The following DNAH6 variants were observed in gnomAD, a reference collection of about 807,000 sequenced individuals.
DNAH6 encodes axonemal beta dynein heavy chain 6.
DNAH6 carries 340 observed loss-of-function variants against 491.4 expected under a neutral mutation model. The ratio of observed to expected loss-of-function variants is 0.69; its 90% CI spans 0.63 to 0.76. The LOEUF is 0.76. Ranked by LOEUF, DNAH6 falls within the 30% of genes least tolerant of loss-of-function variation. The pLI is 0.00. For synonymous variants in DNAH6, 1,603 were observed against 1,686.1 expected, an observed-to-expected ratio of 0.95 and a Z score of 1.21; for missense variants, 4,443 against 4,972.2, an observed-to-expected ratio of 0.89 and a Z score of 3.20.
chr2:84,780,313 C>T (rs1676557369), intron 64 of DNAH6, among the ~76,000 whole-genome samples: 1 of 152,186 alleles, frequency 6.6e-6, no homozygotes, highest in Non-Finnish European at 1.5e-5. Context: ...TCATATTTCT[C>T]ATAGCCTTTG....
chr2:84,682,069 A>G (rs1693834506), intron 42 of DNAH6, among the ~76,000 whole-genome samples: 1 of 152,138 alleles, frequency 6.6e-6, no homozygotes, highest in African/African-American at 2.4e-5. Flanking sequence ...TGCTCTTTCT[A>G]GAAAGACCTC....
chr2:84,574,578 A>C (rs1261503301), intron 12 of DNAH6, among the ~76,000 whole-genome samples: 1 of 152,200 alleles, frequency 6.6e-6, no homozygotes, highest in Non-Finnish European at 1.5e-5. Flanking sequence ...CAAGATACTA[A>C]GTCGTTAGAC....
chr2:84,467,785 A>G, the DNAH6 span, among the ~76,000 whole-genome samples: 20 of 152,238 alleles, frequency 1.3e-4, no homozygotes, highest in Admixed American at 1.3e-3. Flanking sequence ...CTCTCTATTT[A>G]TAATCTTTGT....
chr2:84,595,809 T>C lies in DNAH6; in HGVS notation c.2868+20T>C, dbSNP rs200264977. The C allele has an allele frequency of 6.5e-7, 1 of 1,531,734 alleles. No homozygotes were observed. Among genetic ancestry groups the C allele is most frequent in the Admixed American group, 2.2e-5 (1 of 46,280 alleles). 94.9% of individuals were successfully genotyped at this position (1,531,734 alleles called of 1,614,324 possible). ...GAAAAGGTAAGGTTGGTAGAAGTTA[T>C]TTCAAAAACTGTAGGCCAGTTGGTT... On this transcript the variant is annotated intron_variant, in intron 18 of 76. Coordinates refer to ENST00000389394, the MANE Select transcript of DNAH6 (RefSeq NM_001370.2).
At chr2:84,511,440 G>A in the DNAH6 span, among the ~76,000 whole-genome samples, 2 of 152,192 alleles carry the variant, frequency 1.3e-5, no homozygotes, top group African/African-American at 4.8e-5. Flanking sequence ...TATTAGGGTG[G>A]GAGTGACCCA....
chr2:84,481,095 G>C, the DNAH6 span, among the ~76,000 whole-genome samples: 4 of 152,110 alleles, frequency 2.6e-5, no homozygotes, highest in African/African-American at 9.7e-5. Flanking sequence ...CAGGACTAAC[G>C]GATTGGAAAG....
intron 37 of DNAH6, 53 bp from the exon 38 acceptor site, chr2:84,669,236 G>A (rs1320153014): frequency 7.6e-7 from 1 of 1,324,394 alleles, no homozygotes; most frequent in African/African-American, 1.5e-5. Context: ...CTACTACTGT[G>A]TGTCAATATT....
rs1159634129 is a variant in DNAH6, at chr2:84,703,470, C to T, written c.8137C>T (p.Leu2713Phe). The change falls in exon 50 of 77, where the codon CTT becomes TTT. Residue 2713 changes from leucine to phenylalanine, a missense_variant. This residue lies in a region of DNAH6 where 2,977 missense variants were observed against 3,296.6 expected (regional missense o/e 0.90). Coordinates refer to ENST00000389394, the MANE Select transcript of DNAH6 (RefSeq NM_001370.2). ...NILVDKMKLD[L>F]SALEPVLLAK... ...ACTAGTAGATAAAATGAAACTAGAT[C>T]TTTCAGCTTTAGAGCCTGTACTTTT... The T allele has an allele frequency of 6.5e-7, 1 of 1,550,250 alleles. No individual in the cohort carries two copies. The highest frequency in any genetic ancestry group is 8.7e-7 in the Non-Finnish European group (1 of 1,146,212).
At chr2:84,486,425 A>G in the DNAH6 span, among the ~76,000 whole-genome samples, 2 of 152,190 alleles carry the variant, frequency 1.3e-5, no homozygotes, top group Non-Finnish European at 2.9e-5. Context: ...CTTAGCCTGC[A>G]GACTGCCTGC....
intron 38 of DNAH6, 84 bp from the exon 39 acceptor site, chr2:84,670,244 T>C: frequency 1.1e-6 from 1 of 931,522 alleles, no homozygotes; most frequent in Non-Finnish European, 1.6e-6. Flanking sequence ...TTATCCTGTT[T>C]CTTACTCATT....
chr2:84,709,182 T>C (rs1420437145), intron 54 of DNAH6, among the ~76,000 whole-genome samples, 161 bp from the exon 55 acceptor site: 3 of 152,180 alleles, frequency 2.0e-5, no homozygotes, highest in African/African-American at 7.2e-5. Context: ...CTGATTTTGG[T>C]CTACTTCCTG....
chr2:84,481,798 G>A, the DNAH6 span, among the ~76,000 whole-genome samples: 1 of 152,208 alleles, frequency 6.6e-6, no homozygotes, highest in South Asian at 2.1e-4. Context: ...CAGAGATTAG[G>A]CCGTAGAAGC....
intron 33 of DNAH6, among the ~76,000 whole-genome samples, chr2:84,644,471 A>ATG (rs915914286): frequency 1.3e-5 from 2 of 151,534 alleles, no homozygotes; most frequent in African/African-American, 4.9e-5. Flanking sequence ...CATGTGCAGG[A>ATG]TGTACAGTTT....
intron 66 of DNAH6, among the ~76,000 whole-genome samples, chr2:84,785,103 G>A (rs867471826): frequency 6.6e-5 from 10 of 152,282 alleles, no homozygotes; most frequent in Middle Eastern, 3.4e-3. Flanking sequence ...TTAAGGGAAT[G>A]TTTCAGTATT....
At chr2:84,492,582 A>C in the DNAH6 span, among the ~76,000 whole-genome samples, 2 of 151,948 alleles carry the variant, frequency 1.3e-5, no homozygotes, top group African/African-American at 4.8e-5. Flanking sequence ...CATTCTTCTA[A>C]TTTTTCTGAG....
the DNAH6 span, among the ~76,000 whole-genome samples, chr2:84,489,993 T>C: frequency 6.6e-6 from 1 of 152,218 alleles, no homozygotes; most frequent in African/African-American, 2.4e-5. Context: ...CCACTGTTGA[T>C]GTTTCTGAAT....
intron 11 of DNAH6, among the ~76,000 whole-genome samples, chr2:84,569,427 A>G (rs182552467): frequency 6.6e-6 from 1 of 152,194 alleles, no homozygotes; most frequent in East Asian, 1.9e-4. Flanking sequence ...GTAAAAAGTG[A>G]AAAAAATGGG....
chr2:84,528,986 G>A lies in DNAH6; in HGVS notation c.482G>A (p.Gly161Glu). The A allele has an allele frequency of 6.4e-7, 1 of 1,550,704 alleles. No homozygotes were observed. Among genetic ancestry groups the A allele is most frequent in the South Asian group, 1.2e-5 (1 of 84,022 alleles). Residue 161 changes from glycine (G) to glutamate (E), a missense_variant, in exon 4 of 77, where the codon GGG (glycine) becomes GAG (glutamate). Gly to Glu is a moderately conservative substitution (Grantham distance 98). Transcript: ENST00000389394. Reference protein sequence around the residue: ...HTGIGKRGLFGTRSSAYPKYT... With the variant: ...HTGIGKRGLFETRSSAYPKYT... ...GGTATTGGAAAAAGAGGTCTCTTTG[G>A]GACTAGATCTTCAGCTTACCCTAAG...
At chr2:84,681,091 G>A (rs1054979222) in intron 41 of DNAH6, among the ~76,000 whole-genome samples, 1 of 152,192 alleles carries the variant, frequency 6.6e-6, no homozygotes, top group East Asian at 1.9e-4. Flanking sequence ...TCAAGCAGAG[G>A]TCTAAATTAC....
Sources: allele counts gnomAD v4.1 joint callset (sites outside exome capture counted in the v4.1 genomes callset), GRCh38; gene constraint gnomAD v4.1.1; regional missense constraint gnomAD v4.1.1; transcripts MANE v1.5; gene names NCBI Gene and HGNC (gene_info 2026-07-23, HGNC 2026-07-21).